The following MAP2K5 variants were observed in gnomAD, a reference collection of about 807,000 sequenced individuals.
MAP2K5 encodes the protein dual specificity mitogen-activated protein kinase kinase 5.
In MAP2K5, 49 loss-of-function variants were observed where a neutral mutation model predicts 83.1. That is an observed-to-expected ratio of 0.59 (90% CI 0.47 to 0.75). The LOEUF (loss-of-function observed/expected upper bound fraction) is 0.75, where lower values mean the gene tolerates loss of function less well. Among genes scored for constraint, MAP2K5 ranks in the 30% least tolerant of loss-of-function variants. The pLI is 0.00. For synonymous variants in MAP2K5, 202 were observed against 191.8 expected (o/e 1.05, Z -0.44); for missense variants, 457 against 557.5 (o/e 0.82, Z 1.82).
intron 12 of MAP2K5, among the ~76,000 whole-genome samples, chr15:67,661,496 T>C (rs542405701): frequency 6.6e-6 from 1 of 152,282 alleles, no homozygotes; most frequent in South Asian, 2.1e-4. Context: ...ATACCAATAA[T>C]ATCCTTTAGA....
rs369881311 is a variant in MAP2K5 at position 67,769,015 on chromosome 15, C to G, written c.1135-587C>G. Among the ~76,000 whole-genome samples, 1 of 152,002 alleles carries G rather than the reference C, an allele frequency of 6.6e-6. No homozygotes were observed. Among genetic ancestry groups the G allele is most frequent in the South Asian group, 2.1e-4 (1 of 4,834 alleles). Reference sequence around the variant, plus strand: ...TTTCATTGTATCCTTAATTCACTGGCTTTCTCATATGAGGAGTCTGCCTAG... The same window carrying G: ...TTTCATTGTATCCTTAATTCACTGGGTTTCTCATATGAGGAGTCTGCCTAG... On this transcript the variant is annotated intron_variant, in intron 19 of 21. Coordinates refer to ENST00000178640, the MANE Select transcript of MAP2K5 (RefSeq NM_145160.3). This position sits in a 1 kb window ranked among gnomAD's most constrained non-coding sequence, Gnocchi z 5.2.
At chr15:67,635,396 C>T (rs1392195013) in intron 9 of MAP2K5, among the ~76,000 whole-genome samples, 1 of 152,044 alleles carries the variant, frequency 6.6e-6, no homozygotes, top group Non-Finnish European at 1.5e-5. Context: ...AGGATGGTCT[C>T]GAACTCCTGA....
chr15:67,590,484 TTTTTGAGA>T (rs1567294716), intron 6 of MAP2K5, among the ~76,000 whole-genome samples: 15 of 142,908 alleles, frequency 1.0e-4, no homozygotes, highest in East Asian at 2.3e-4. Flanking sequence ...TCTTTGTTTC[TTTTTGAGA>T]CAGGGTCTCA....
intron 11 of MAP2K5, among the ~76,000 whole-genome samples, chr15:67,650,092 A>G (rs929040199): frequency 1.9e-4 from 29 of 152,170 alleles, no homozygotes; most frequent in Middle Eastern, 3.4e-3. Context: ...AGTTTTTTTA[A>G]TGCTGTTTTT....
chr15:67,762,932 C>T (rs995158992), intron 19 of MAP2K5, among the ~76,000 whole-genome samples: 2 of 152,180 alleles, frequency 1.3e-5, no homozygotes, highest in Admixed American at 6.5e-5. Context: ...CTGCTACTGT[C>T]AGCCCAGACC....
chr15:67,584,169 T>G (rs1470948206), intron 4 of MAP2K5, among the ~76,000 whole-genome samples: 2 of 152,226 alleles, frequency 1.3e-5, no homozygotes, highest in East Asian at 1.9e-4. Flanking sequence ...TATTAATAAG[T>G]GTGAACATTG....
chr15:67,785,505 A>G lies in MAP2K5; in HGVS notation c.1242+12753A>G, dbSNP rs1373758933. Among the ~76,000 whole-genome samples the G allele has an allele frequency of 6.6e-6, 1 of 152,184 alleles. No individual in the cohort carries two copies. The highest frequency in any genetic ancestry group is 1.5e-5 in the Non-Finnish European group (1 of 68,036). ...TCAGACACTAATCCAGCAAACACAAATCCATCATACATGCAAACAAAGTAG... is the reference window on the plus strand; with the variant it reads ...TCAGACACTAATCCAGCAAACACAAGTCCATCATACATGCAAACAAAGTAG... On this transcript the variant is annotated intron_variant, in intron 21 of 21. Transcript: ENST00000178640. This position sits in a 1 kb window ranked among gnomAD's most constrained non-coding sequence, Gnocchi z 4.4.
intron 16 of MAP2K5, among the ~76,000 whole-genome samples, chr15:67,710,242 C>T (rs143763417): frequency 1.4e-4 from 21 of 152,330 alleles, no homozygotes; most frequent in African/African-American, 5.1e-4. Flanking sequence ...CTGTTTGCCA[C>T]CCCTCTAACC....
At chr15:67,683,833 C>T (rs893039326) in intron 13 of MAP2K5, among the ~76,000 whole-genome samples, 2 of 152,122 alleles carry the variant, frequency 1.3e-5, no homozygotes, top group African/African-American at 4.8e-5. Flanking sequence ...GTGGGATTTG[C>T]CCTCCACCAA....
intron 21 of MAP2K5, among the ~76,000 whole-genome samples, chr15:67,784,048 G>A (rs1162655637): frequency 6.6e-6 from 1 of 152,120 alleles, no homozygotes; most frequent in Non-Finnish European, 1.5e-5. Context: ...TTAAAAAATT[G>A]ATTTATTATA....
chr15:67,693,597 T>G (rs2088169945), intron 15 of MAP2K5, 29 bp downstream of exon 15: 1 of 1,486,686 alleles, frequency 6.7e-7, no homozygotes, highest in African/African-American at 1.4e-5. Flanking sequence ...AAATAATGTT[T>G]AAAACCAACA....
At chr15:67,679,411 C>G (rs1272517274) in intron 13 of MAP2K5, among the ~76,000 whole-genome samples, 2 of 152,076 alleles carry the variant, frequency 1.3e-5, no homozygotes, top group African/African-American at 4.8e-5. Context: ...TCAGTCCAGC[C>G]TGAAAATCAG....
In MAP2K5 at chr15:67,774,800, A is replaced by AAGCATGGTAACTCCAGCCAGCAGGGTACC. The variant is rs1242579228; in HGVS notation, c.1242+2056_1242+2084dup. 1.3e-5 allele frequency among the ~76,000 whole-genome samples: 2 copies of AAGCATGGTAACTCCAGCCAGCAGGGTACC among 152,218 alleles called. No individual in the cohort carries two copies. The highest frequency in any genetic ancestry group is 2.9e-5 in the Non-Finnish European group (2 of 68,036). On this transcript the variant is annotated intron_variant, in intron 21 of 21. Coordinates refer to ENST00000178640, the MANE Select transcript of MAP2K5 (RefSeq NM_145160.3). This position sits in a 1 kb window ranked among gnomAD's most constrained non-coding sequence, Gnocchi z 4.9. Reference sequence around the variant, plus strand: ...TCACAAAAAGAGCAGTTTATCTCCCAAGCATGGTAACTCCAGCCAGCAGGG... The same window carrying AAGCATGGTAACTCCAGCCAGCAGGGTACC: ...TCACAAAAAGAGCAGTTTATCTCCCAAGCATGGTAACTCCAGCCAGCAGGGTACCAGCATGGTAACTCCAGCCAGCAGGG...
chr15:67,790,856 T>C lies in MAP2K5; in HGVS notation c.1243-15790T>C, dbSNP rs540005921. On this transcript the variant is annotated intron_variant, in intron 21 of 21. Transcript: ENST00000178640. The surrounding 1 kb of genome is among the most constrained non-coding windows in gnomAD (Gnocchi z 4.6). The stretch of plus-strand genomic sequence containing the variant: ...GCAAAATTTAGGCCACTGATAGTTA[T>C]GACTATGGAACTGCCTCTGGGCTGG... Among the ~76,000 whole-genome samples the C allele has an allele frequency of 4.3e-4, 65 of 152,346 alleles. No individual in the cohort carries two copies. Among genetic ancestry groups the C allele is most frequent in the African/African-American group, 1.5e-3 (64 of 41,584 alleles).
In MAP2K5 at chr15:67,548,926, A is replaced by AG; in HGVS notation, c.136-1107dup. 9.4e-6 allele frequency: 8 copies of AG among 850,806 alleles called. No homozygotes were observed. The African/African-American group carries it at 1.0e-4, about 11-fold the overall frequency. 52.7% of individuals were successfully genotyped at this position (850,806 alleles called of 1,614,324 possible). A position where few individuals can be genotyped will look rare whatever the true frequency, so the allele number is the denominator to read the frequency against. ...AGATTTATTTTTGAAAAAAAAAAAA[A>AG]GCACTATAGAGGCAAGACTATTATG... On this transcript the variant is annotated intron_variant, in intron 1 of 21. Coordinates refer to ENST00000178640, the MANE Select transcript of MAP2K5 (RefSeq NM_145160.3).
At chr15:67,686,891 G>A (rs964102833) in intron 13 of MAP2K5, among the ~76,000 whole-genome samples, 1 of 152,120 alleles carries the variant, frequency 6.6e-6, no homozygotes, top group East Asian at 1.9e-4. Context: ...AAGGTTTAAT[G>A]ATTTTTTTTT....
rs2085282139 is a variant in MAP2K5 at position 67,586,037 on chromosome 15, G to A, written c.363+107G>A. 8 of 1,017,484 alleles carry A rather than the reference G, an allele frequency of 7.9e-6. No individual in the cohort carries two copies. The South Asian group carries it at 7.9e-5, about 10-fold the overall frequency. 63.0% of individuals were successfully genotyped at this position (1,017,484 alleles called of 1,614,324 possible). ...TGCACTTTCTCAAGCTCTGACAAGC[G>A]ATCCTTTTATTTTTTTTAAATGGGA... On this transcript the variant is annotated intron_variant, in intron 5 of 21. Transcript: ENST00000178640.
At chr15:67,634,095 G>C (rs1279886568) in intron 9 of MAP2K5, among the ~76,000 whole-genome samples, 1 of 151,688 alleles carries the variant, frequency 6.6e-6, no homozygotes, top group Non-Finnish European at 1.5e-5. Flanking sequence ...TAGCCTGCTT[G>C]TGCCTGTAAT....
rs532675674 is a variant in MAP2K5 at position 67,759,732 on chromosome 15, C to G, written c.1135-9870C>G. ...CCCAGCATCCCAAGGATGGCCTGTTCCTGTCACAGCACATAACTGCGGGTG... is the reference window on the plus strand; with the variant it reads ...CCCAGCATCCCAAGGATGGCCTGTTGCTGTCACAGCACATAACTGCGGGTG... On this transcript the variant is annotated intron_variant, in intron 19 of 21. Transcript: ENST00000178640. Among the ~76,000 whole-genome samples the G allele has an allele frequency of 3.3e-5, 5 of 152,268 alleles. No homozygotes were observed. The East Asian group carries it at 9.6e-4, about 29-fold the overall frequency.
Sources: gnomAD v4.1 joint callset for allele counts (sites outside exome capture counted in the v4.1 genomes callset) on GRCh38, gnomAD v4.1.1 for gene constraint, Gnocchi (gnomAD v3.1) non-coding constraint, MANE v1.5 for transcripts, NCBI Gene and HGNC (gene_info 2026-07-23, HGNC 2026-07-21) for gene names.